Variants in RBFOX1 observed in about 807,000 individuals in gnomAD.
The protein encoded by RBFOX1 is RNA binding fox-1 homolog 1.
RBFOX1 carries 8 observed loss-of-function variants against 57.7 expected under a neutral mutation model. The ratio of observed to expected loss-of-function variants is 0.14; its 90% CI spans 0.08 to 0.25. The LOEUF is 0.25. Among genes scored for constraint, RBFOX1 ranks in the 10% least tolerant of loss-of-function variants. RBFOX1 has a pLI of 1.00. For synonymous variants in RBFOX1, 326 were observed against 222.4 expected (o/e 1.47, Z -4.15); for missense variants, 611 against 548.5 (o/e 1.11, Z -1.14).
intron 14 of RBFOX1, among the ~76,000 whole-genome samples, chr16:7,700,470 C>T (rs2080307465): frequency 6.6e-6 from 1 of 152,146 alleles, no homozygotes; most frequent in Non-Finnish European, 1.5e-5. Context: ...CTGTTCAACC[C>T]TGCTTCATGG....
At chr16:6,959,051 T>G (rs183543817) in intron 3 of RBFOX1, among the ~76,000 whole-genome samples, 72 of 152,320 alleles carry the variant, frequency 4.7e-4, no homozygotes, top group Non-Finnish European at 6.8e-4. Context: ...AACTTCACCA[T>G]CTAAGTAATA....
chr16:5,321,028 C>G (rs1274565130), intron 1 of RBFOX1, among the ~76,000 whole-genome samples: 1 of 152,170 alleles, frequency 6.6e-6, no homozygotes, highest in Non-Finnish European at 1.5e-5. Flanking sequence ...GCTGCTGGTC[C>G]TGAGTTTCTC....
At chr16:5,945,239 G>A (rs546785549) in intron 4 of RBFOX1, among the ~76,000 whole-genome samples, 86 of 152,220 alleles carry the variant, frequency 5.6e-4, no homozygotes, top group African/African-American at 2.0e-3. Flanking sequence ...CTGGCCCTTC[G>A]TGGGTCTTAC....
intron 1 of RBFOX1, among the ~76,000 whole-genome samples, chr16:6,243,353 C>G (rs1343823512): frequency 2.6e-5 from 4 of 152,056 alleles, no homozygotes; most frequent in Non-Finnish European, 5.9e-5. Flanking sequence ...CTTTAAACTC[C>G]AAGTACTTCT....
At chr16:6,321,318 C>T (rs2081761900) in intron 2 of RBFOX1, among the ~76,000 whole-genome samples, 1 of 152,134 alleles carries the variant, frequency 6.6e-6, no homozygotes, top group Non-Finnish European at 1.5e-5. Context: ...TTTAGACTAG[C>T]AGCCTTATAA....
At chr16:7,371,168 GC>G (rs1296736297) in intron 4 of RBFOX1, among the ~76,000 whole-genome samples, 4 of 151,936 alleles carry the variant, frequency 2.6e-5, no homozygotes, top group African/African-American at 9.7e-5. Flanking sequence ...TCCCAAACTG[GC>G]CCCATCACTT....
chr16:6,961,834 C>G (rs1038424209), intron 3 of RBFOX1, among the ~76,000 whole-genome samples: 5 of 152,244 alleles, frequency 3.3e-5, no homozygotes, highest in South Asian at 2.1e-4. Flanking sequence ...GCAGTGAGAG[C>G]AAACCAGAAG....
intron 3 of RBFOX1, among the ~76,000 whole-genome samples, chr16:5,622,465 C>G (rs1030688069): frequency 6.6e-6 from 1 of 152,170 alleles, no homozygotes; most frequent in Non-Finnish European, 1.5e-5. Context: ...ATAAACAAAT[C>G]CATTGAATTA....
intron 4 of RBFOX1, among the ~76,000 whole-genome samples, chr16:7,197,843 C>G (rs566326514): frequency 6.6e-6 from 1 of 151,972 alleles, no homozygotes; most frequent in Non-Finnish European, 1.5e-5. Flanking sequence ...ATTCCATTTC[C>G]GTGAAATATC....
chr16:5,470,631 G>A (rs757835654), intron 2 of RBFOX1, among the ~76,000 whole-genome samples: 18 of 152,038 alleles, frequency 1.2e-4, no homozygotes, highest in Non-Finnish European at 2.4e-4. Flanking sequence ...TGCAGCATCT[G>A]AGCAACTGGG....
At chr16:7,193,560 C>T (rs1036538008) in intron 4 of RBFOX1, among the ~76,000 whole-genome samples, 1 of 152,200 alleles carries the variant, frequency 6.6e-6, no homozygotes, top group African/African-American at 2.4e-5. Context: ...GTGCCAGATG[C>T]TCTTATGAGC....
intron 3 of RBFOX1, among the ~76,000 whole-genome samples, chr16:6,668,321 A>T (rs2098745085): frequency 6.6e-6 from 1 of 152,192 alleles, no homozygotes; most frequent in South Asian, 2.1e-4. Context: ...CCAAGGGTGG[A>T]GGAGTGAGAG....
At chr16:6,659,455 C>G (rs1308832325) in intron 3 of RBFOX1, among the ~76,000 whole-genome samples, 1 of 152,140 alleles carries the variant, frequency 6.6e-6, no homozygotes, top group Non-Finnish European at 1.5e-5. Context: ...TTTTACAATA[C>G]TTCTTCCAGA....
chr16:6,734,949 G>C (rs2069720915), intron 3 of RBFOX1, among the ~76,000 whole-genome samples: 1 of 152,112 alleles, frequency 6.6e-6, no homozygotes, highest in African/African-American at 2.4e-5. Context: ...AGACTGGCAT[G>C]GGCAACACAG....
chr16:6,048,554 TA>T (rs2095518687), intron 1 of RBFOX1, among the ~76,000 whole-genome samples: 1 of 152,182 alleles, frequency 6.6e-6, no homozygotes, highest in African/African-American at 2.4e-5. Context: ...AAGGTAGCAT[TA>T]AAACACCACA....
chr16:7,710,047 A>T (rs1264718939), intron 15 of RBFOX1: 1 of 1,002,542 alleles, frequency 1.0e-6, no homozygotes, highest in Admixed American at 6.0e-5. Flanking sequence ...AGTTCACTGA[A>T]GCTCAGTCAT....
intron 1 of RBFOX1, among the ~76,000 whole-genome samples, chr16:6,201,339 C>T (rs2097213889): frequency 6.6e-6 from 1 of 152,098 alleles, no homozygotes; most frequent in South Asian, 2.1e-4. Context: ...ATTGCTGGAT[C>T]ATATGGTAGT....
At chr16:5,711,387 C>T (rs549811451) in intron 3 of RBFOX1, among the ~76,000 whole-genome samples, 179 of 152,310 alleles carry the variant, frequency 1.2e-3, no homozygotes, top group Non-Finnish European at 1.7e-3. Flanking sequence ...AGTCTTATTT[C>T]AGAGTTCATG....
intron 3 of RBFOX1, among the ~76,000 whole-genome samples, chr16:6,843,523 C>A (rs754211740): frequency 5.3e-5 from 8 of 151,650 alleles, no homozygotes; most frequent in Non-Finnish European, 8.8e-5. Flanking sequence ...CCCGTCTGTA[C>A]TAAAAATAAA....
Sources: allele counts gnomAD v4.1 joint callset (sites outside exome capture counted in the v4.1 genomes callset), GRCh38; gene constraint gnomAD v4.1.1; transcripts MANE v1.5; gene names NCBI Gene and HGNC (gene_info 2026-07-23, HGNC 2026-07-21).